The following MDM4 variants were observed in gnomAD, a reference collection of about 807,000 sequenced individuals.
The protein encoded by MDM4 is protein Mdm4.
Under a neutral mutation model 60.2 loss-of-function variants are expected in MDM4, and 2 were observed. That is an observed-to-expected ratio of 0.03 (90% CI 0.01 to 0.10). The LOEUF (loss-of-function observed/expected upper bound fraction) is 0.10, where lower values mean the gene tolerates loss of function less well. MDM4 is among the 10% of genes least tolerant of loss of function. The pLI, the probability that MDM4 is intolerant of heterozygous loss-of-function variation, is 1.00. For synonymous variants in MDM4, 202 were observed against 198.1 expected, an observed-to-expected ratio of 1.02 and a Z score of -0.17; for missense variants, 447 against 577.5, an observed-to-expected ratio of 0.77 and a Z score of 2.32.
At chr1:204,544,733 A>G (rs1401576488) in intron 9 of MDM4, 49 bp downstream of exon 9, 1 of 1,548,698 alleles carries the variant, frequency 6.5e-7, no homozygotes, top group Admixed American at 1.7e-5. Flanking sequence ...TGCTCATAGT[A>G]TCATCTGTTG....
intron 9 of MDM4, among the ~76,000 whole-genome samples, chr1:204,545,504 G>A (rs1662571531): frequency 6.6e-6 from 1 of 152,064 alleles, no homozygotes; most frequent in Non-Finnish European, 1.5e-5. Flanking sequence ...GATAAATACA[G>A]CAAAGAAAAA....
At chr1:204,544,469 G>T (rs1375483535) in intron 8 of MDM4, 66 bp from the exon 9 acceptor site, 4 of 1,507,260 alleles carry the variant, frequency 2.7e-6, no homozygotes, top group African/African-American at 2.8e-5. Flanking sequence ...GGGTTCATTT[G>T]TGTTGTTTCA....
intron 10 of MDM4, among the ~76,000 whole-genome samples, chr1:204,548,468 A>G (rs1482162647): frequency 2.6e-5 from 4 of 152,204 alleles, no homozygotes; most frequent in Admixed American, 2.0e-4. Flanking sequence ...CCCTGTAGCT[A>G]TTTTTGAATT....
intron 5 of MDM4, among the ~76,000 whole-genome samples, chr1:204,536,392 TTTATAA>T (rs1167716768): frequency 6.6e-6 from 1 of 152,264 alleles, no homozygotes; most frequent in African/African-American, 2.4e-5. Context: ...AATAATGTTT[TTTATAA>T]TTAGAATTTT....
rs1663416731 is a variant in MDM4, at chr1:204,554,412, G to A, written c.*4730G>A. 4.4e-6 allele frequency: 1 copy of A among 226,094 alleles called. No homozygotes were observed. The highest frequency in any genetic ancestry group is 8.8e-6 in the Non-Finnish European group (1 of 113,714). The allele number at this position is 226,094 out of a possible 1,614,324, so 14.0% of individuals were successfully genotyped here. ...CAGTCATGAGTGTGCATGTGTGCAA[G>A]CATGTTTTGATCCTGATGCTACCTT... On this transcript the variant is annotated 3_prime_UTR_variant, in exon 11 of 11. Transcript: ENST00000367182.
chr1:204,544,128 A>G (rs4252725), intron 8 of MDM4, among the ~76,000 whole-genome samples: 89,565 of 152,116 alleles, frequency 0.59, 28,516 homozygotes, highest in Non-Finnish European at 0.7. Context: ...TCTTTAATAA[A>G]CATCCTTGAC....
intron 5 of MDM4, among the ~76,000 whole-genome samples, chr1:204,534,598 C>T (rs1661204166): frequency 2.6e-5 from 4 of 152,126 alleles, no homozygotes; most frequent in Admixed American, 2.6e-4. Context: ...AGCAGTCCTC[C>T]CACCTCAGCC....
chr1:204,534,383 GGATT>G (rs1484243933), intron 5 of MDM4, among the ~76,000 whole-genome samples: 2 of 151,980 alleles, frequency 1.3e-5, no homozygotes, highest in Non-Finnish European at 2.9e-5. Context: ...ATTTGTTTTT[GGATT>G]GATCTGTTTT....
rs555261313 is a variant in MDM4 at position 204,554,159 on chromosome 1, G to T, written c.*4477G>T. On this transcript the variant is annotated 3_prime_UTR_variant, in exon 11 of 11. Transcript: ENST00000367182. ...GCCTTTTGAAGTCTTTGATATATTG[G>T]TGAATATTCTTCTGATCTATAATAC... is the stretch of plus-strand genomic sequence containing the variant. The T allele has an allele frequency of 2.6e-5, 6 of 227,758 alleles. No homozygotes were observed. The highest frequency in any genetic ancestry group is 2.5e-4 in the East Asian group (4 of 15,754). 14.1% of individuals were successfully genotyped at this position (227,758 alleles called of 1,614,324 possible).
At chr1:204,538,591 A>G (rs1344271878) in intron 7 of MDM4, among the ~76,000 whole-genome samples, 1 of 152,196 alleles carries the variant, frequency 6.6e-6, no homozygotes, top group African/African-American at 2.4e-5. Context: ...TGAATTTTCT[A>G]CATACATGAA....
Position 204,551,829 on chromosome 1 carries a change from A to C in MDM4, c.*2147A>C. 4.6e-6 allele frequency: 1 copy of C among 218,920 alleles called. No individual in the cohort carries two copies. The highest frequency in any genetic ancestry group is 9.2e-6 in the Non-Finnish European group (1 of 109,152). 13.6% of individuals were successfully genotyped at this position (218,920 alleles called of 1,614,324 possible). Reference sequence around the variant, plus strand: ...TTGCATTTGAACAAGTGTTCCTGGAATCTCTATGCAAGTTTTATACAGAAC... The same window carrying C: ...TTGCATTTGAACAAGTGTTCCTGGACTCTCTATGCAAGTTTTATACAGAAC... On this transcript the variant is annotated 3_prime_UTR_variant, in exon 11 of 11. Coordinates refer to ENST00000367182, the MANE Select transcript of MDM4 (RefSeq NM_002393.5).
rs150604072 is a variant in MDM4 at position 204,548,314 on chromosome 1, G to A, written c.904-799G>A. 1.7e-3 allele frequency among the ~76,000 whole-genome samples: 259 copies of A among 152,312 alleles called. 1 individual carries two copies. The Middle Eastern group carries it at 0.027, about 16-fold the overall frequency. On this transcript the variant is annotated intron_variant, in intron 10 of 10. Transcript: ENST00000367182. ...TGGAATCCCAGTTTAACACATGGTT[G>A]TGCCCTTGCCTCAGTCTGGACAATT... is the stretch of plus-strand genomic sequence containing the variant.
At position 204,555,930 on chromosome 1, in the gene MDM4, T is replaced by G. The variant is rs1663507867; in HGVS notation, c.*6248T>G. 1.0e-5 allele frequency: 2 copies of G among 200,746 alleles called. No homozygotes were observed. The highest frequency in any genetic ancestry group is 1.0e-5 in the Non-Finnish European group (1 of 97,450). The allele number at this position is 200,746 out of a possible 1,614,324, so 12.4% of individuals were successfully genotyped here. A position where few individuals can be genotyped will look rare whatever the true frequency, so the allele number is the denominator to read the frequency against. ...AATTTCTTATCTGAAGGCACTGTTT[T>G]TTTTTTTAAACAGTTAAGTACTGAT... is the stretch of plus-strand genomic sequence containing the variant. On this transcript the variant is annotated 3_prime_UTR_variant, in exon 11 of 11. Transcript: ENST00000367182.
chr1:204,524,726 G>A (rs1426207705), intron 1 of MDM4, among the ~76,000 whole-genome samples: 2 of 152,236 alleles, frequency 1.3e-5, no homozygotes, highest in African/African-American at 2.4e-5. Context: ...ACAGTGAGCC[G>A]AGATTGCGCC....
intron 7 of MDM4, among the ~76,000 whole-genome samples, chr1:204,540,948 T>C (rs1662010253): frequency 6.6e-6 from 1 of 152,206 alleles, no homozygotes; most frequent in Admixed American, 6.5e-5. Context: ...GCTGCTGAAG[T>C]TATTTTAAAA....
At chr1:204,543,509 A>G (rs536994674) in intron 8 of MDM4, among the ~76,000 whole-genome samples, 2 of 152,162 alleles carry the variant, frequency 1.3e-5, no homozygotes, top group Non-Finnish European at 2.9e-5. Context: ...TGCCTTCCTC[A>G]GGCACCTTAA....
At chr1:204,543,445 T>C (rs1558331431) in intron 8 of MDM4, among the ~76,000 whole-genome samples, 1 of 152,272 alleles carries the variant, frequency 6.6e-6, no homozygotes, top group Admixed American at 6.5e-5. Context: ...CTTTGTTCAC[T>C]ACATGCGTTT....
chr1:204,542,726 T>C (rs113598027), intron 7 of MDM4, 58 bp from the exon 8 acceptor site: 1 of 1,268,478 alleles, frequency 7.9e-7, no homozygotes, highest in South Asian at 1.5e-5. Flanking sequence ...ATTCTAAAGA[T>C]AGTCTTAGTT....
chr1:204,530,465 GAA>G (rs1417951538), intron 3 of MDM4, among the ~76,000 whole-genome samples: 5 of 152,190 alleles, frequency 3.3e-5, no homozygotes, highest in Non-Finnish European at 7.3e-5. Flanking sequence ...TTTCTGTGCT[GAA>G]AAGTCTGGGT....
Sources: allele counts gnomAD v4.1 joint callset (sites outside exome capture counted in the v4.1 genomes callset), GRCh38; gene constraint gnomAD v4.1.1; transcripts MANE v1.5; gene names NCBI Gene and HGNC (gene_info 2026-07-23, HGNC 2026-07-21).